The following TF variants were observed in gnomAD, a reference collection of about 807,000 sequenced individuals.
TF encodes the protein transferrin.
Under a neutral mutation model 82.4 loss-of-function variants are expected in TF, and 55 were observed. The ratio of observed to expected loss-of-function variants is 0.67; its 90% CI spans 0.54 to 0.84. TF has a LOEUF of 0.84. Ranked by LOEUF, TF falls within the 40% of genes least tolerant of loss-of-function variation. The pLI is 0.00. For synonymous variants in TF, 332 were observed against 332.6 expected (o/e 1.00, Z 0.02); for missense variants, 737 against 868.4 (o/e 0.85, Z 1.90).
chr3:133,775,317 G>C, intron 14 of TF, 116 bp from the exon 15 acceptor site: 1 of 1,021,386 alleles, frequency 9.8e-7, no homozygotes, highest in Non-Finnish European at 1.5e-6. Flanking sequence ...CCCAGTGTGG[G>C]CACTTCTGCT....
chr3:133,674,379 C>T, the TF span, among the ~76,000 whole-genome samples: 1 of 152,178 alleles, frequency 6.6e-6, no homozygotes, highest in African/African-American at 2.4e-5. Flanking sequence ...TTGCAGACCC[C>T]GGGGCTGGGA....
At position 133,779,636 on chromosome 3, in the gene TF, A is replaced by C. The variant is rs781393411; in HGVS notation, c.*1016A>C. On this transcript the variant is annotated 3_prime_UTR_variant, in exon 17 of 17. Transcript: ENST00000402696. ...CCTGGGGTTTTCTCTTGATCTGGTC[A>C]GTGCTCCTCTCACTTTGCAGGCCCT... 5.9e-5 allele frequency: 9 copies of C among 152,546 alleles called. No homozygotes were observed. Among genetic ancestry groups the C allele is most frequent in the Non-Finnish European group, 1.2e-4 (8 of 68,224 alleles). The allele number at this position is 152,546 out of a possible 1,614,324, so 9.4% of individuals were successfully genotyped here. A position where few individuals can be genotyped will look rare whatever the true frequency, so the allele number is the denominator to read the frequency against.
intron 6 of TF, 132 bp downstream of exon 6, chr3:133,756,469 C>A: frequency 9.1e-7 from 1 of 1,093,600 alleles, no homozygotes; most frequent in Non-Finnish European, 1.4e-6. Context: ...TGGGTTTCCA[C>A]CTGTGCAGAG....
intron 14 of TF, 43 bp downstream of exon 14, chr3:133,770,615 T>C (rs753723498): frequency 1.4e-5 from 22 of 1,592,258 alleles, no homozygotes; most frequent in South Asian, 5.5e-5. Context: ...CACTAGATCC[T>C]GGTCACTGGT....
intron 8 of TF, 26 bp from the exon 9 acceptor site, chr3:133,759,149 A>G (rs1442282905): frequency 6.2e-7 from 1 of 1,611,714 alleles, no homozygotes; most frequent in Non-Finnish European, 8.5e-7. Flanking sequence ...GCCGCTTCTG[A>G]TCTTTGTTCT....
the TF span, among the ~76,000 whole-genome samples, chr3:133,715,407 C>T: frequency 1.9e-3 from 286 of 152,302 alleles, 1 homozygote; most frequent in African/African-American, 5.9e-3. Context: ...GCTGTCTCCT[C>T]GCTAAGTCCT....
At chr3:133,768,641 GC>G (rs1934186950) in intron 13 of TF, among the ~76,000 whole-genome samples, 1 of 151,872 alleles carries the variant, frequency 6.6e-6, no homozygotes, top group African/African-American at 2.4e-5. Flanking sequence ...TTTGGCTCAA[GC>G]TTTTCCATGC....
intron 6 of TF, among the ~76,000 whole-genome samples, chr3:133,756,560 G>A (rs1933839617): frequency 6.6e-6 from 1 of 152,150 alleles, no homozygotes; most frequent in Admixed American, 6.5e-5. Context: ...CTCTGCCTCT[G>A]GGGTAGTGTT....
At chr3:133,718,806 G>A in the TF span, among the ~76,000 whole-genome samples, 1 of 152,190 alleles carries the variant, frequency 6.6e-6, no homozygotes, top group Non-Finnish European at 1.5e-5. Flanking sequence ...TTAAGGATCA[G>A]GAAGGTTTCT....
At chr3:133,725,525 G>A in the TF span, among the ~76,000 whole-genome samples, 69 of 152,310 alleles carry the variant, frequency 4.5e-4, no homozygotes, top group African/African-American at 1.6e-3. Flanking sequence ...AGACTTTGCT[G>A]AAGTTGCTTA....
rs781336514 is a variant in TF, at chr3:133,746,423, C to T, written c.-18C>T. Reference sequence around the variant, plus strand: ...AGCGAGTCCGACTGTGCTCGCTGCTCAGCGCCGCACCCGGAAGATGAGGCT... The same window carrying T: ...AGCGAGTCCGACTGTGCTCGCTGCTTAGCGCCGCACCCGGAAGATGAGGCT... On this transcript the variant is annotated 5_prime_UTR_variant, in exon 1 of 17. Coordinates refer to ENST00000402696, the MANE Select transcript of TF (RefSeq NM_001063.4). 149 of 1,595,414 alleles carry T rather than the reference C, an allele frequency of 9.3e-5. No homozygotes were observed. The Middle Eastern group carries it at 1.0e-3, about 11-fold the overall frequency.
the TF span, among the ~76,000 whole-genome samples, chr3:133,717,305 C>A: frequency 3.6e-4 from 55 of 152,220 alleles, no homozygotes; most frequent in Middle Eastern, 3.4e-3. Context: ...AGGAGGCCAA[C>A]GAAAATTCTT....
the TF span, among the ~76,000 whole-genome samples, chr3:133,729,020 G>T: frequency 6.6e-6 from 1 of 152,154 alleles, no homozygotes; most frequent in Non-Finnish European, 1.5e-5. Flanking sequence ...TGGAAGTTTT[G>T]TCTCAGAGGA....
chr3:133,717,583 A>G, the TF span, among the ~76,000 whole-genome samples: 1 of 152,138 alleles, frequency 6.6e-6, no homozygotes, highest in Non-Finnish European at 1.5e-5. Flanking sequence ...ACCATAGTGT[A>G]TTCGTCCCAA....
chr3:133,723,520 A>G, the TF span, among the ~76,000 whole-genome samples: 2 of 147,506 alleles, frequency 1.4e-5, no homozygotes, highest in African/African-American at 5.0e-5. Flanking sequence ...TAAAATAACT[A>G]TCTTCAAGTT....
the TF span, among the ~76,000 whole-genome samples, chr3:133,675,899 C>T: frequency 2.0e-5 from 3 of 151,954 alleles, no homozygotes; most frequent in Admixed American, 6.6e-5. Context: ...CTCTTTAGCC[C>T]GTGACAGAAT....
chr3:133,737,249 TA>T, the TF span, among the ~76,000 whole-genome samples: 1 of 152,022 alleles, frequency 6.6e-6, no homozygotes, highest in South Asian at 2.1e-4. Flanking sequence ...CAGAAATAAA[TA>T]AGTTCTTTGA....
At position 133,787,667 on chromosome 3, in the gene TF, G is replaced by A. The variant is rs1198225726; in HGVS notation, c.*9047G>A. 6.6e-6 allele frequency: 1 copy of A among 152,164 alleles called. No homozygotes were observed. Among genetic ancestry groups the A allele is most frequent in the Non-Finnish European group, 1.5e-5 (1 of 68,014 alleles). 9.4% of individuals were successfully genotyped at this position (152,164 alleles called of 1,614,324 possible). A position where few individuals can be genotyped will look rare whatever the true frequency, so the allele number is the denominator to read the frequency against. ...GTTCATTCAGTTGAGGAAGGTGAGAGGGAAGAAATTACAAAAGATGTTTTG... is the reference window on the plus strand; with the variant it reads ...GTTCATTCAGTTGAGGAAGGTGAGAAGGAAGAAATTACAAAAGATGTTTTG... On this transcript the variant is annotated 3_prime_UTR_variant, in exon 17 of 17. Transcript: ENST00000402696.
At chr3:133,690,182 A>G in the TF span, among the ~76,000 whole-genome samples, 11 of 147,570 alleles carry the variant, frequency 7.5e-5, no homozygotes, top group African/African-American at 2.5e-4. Flanking sequence ...AAATGTTTTT[A>G]AAAAGCCCTA....
Sources: gnomAD v4.1 joint callset for allele counts (sites outside exome capture counted in the v4.1 genomes callset) on GRCh38, gnomAD v4.1.1 for gene constraint, MANE v1.5 for transcripts, NCBI Gene and HGNC (gene_info 2026-07-23, HGNC 2026-07-21) for gene names.